Variants in SIRT2 observed in about 807,000 individuals in gnomAD.
SIRT2 encodes NAD-dependent protein deacetylase sirtuin-2.
In SIRT2, 40 loss-of-function variants were observed where a neutral mutation model predicts 57.4. That is an observed-to-expected ratio of 0.70 (90% CI 0.54 to 0.91). The LOEUF is 0.91. Among genes scored for constraint, SIRT2 ranks in the 40% least tolerant of loss-of-function variants. The pLI is 0.00. For synonymous variants in SIRT2, 161 were observed against 195.7 expected (o/e 0.82, Z 1.48); for missense variants, 439 against 510.4 (o/e 0.86, Z 1.35).
At chr19:38,887,620 C>T (rs1429608888) in intron 8 of SIRT2, among the ~76,000 whole-genome samples, 3 of 152,220 alleles carry the variant, frequency 2.0e-5, no homozygotes, top group African/African-American at 7.2e-5. Context: ...ACCTCGCCCA[C>T]CTGAGAAATC....
intron 2 of SIRT2, 128 bp from the exon 3 acceptor site, chr19:38,893,995 G>A: frequency 2.6e-6 from 4 of 1,532,864 alleles, no homozygotes; most frequent in Non-Finnish European, 3.5e-6. Flanking sequence ...GGGTGGTGGA[G>A]AGACTGCACT....
At chr19:38,881,248 G>T in intron 10 of SIRT2, 93 bp from the exon 11 acceptor site, 1 of 1,346,342 alleles carries the variant, frequency 7.4e-7, no homozygotes, top group Non-Finnish European at 1.0e-6. Context: ...GCCACAGTGG[G>T]AGTTGGGAGC....
chr19:38,891,949 G>C (rs1325410348), intron 4 of SIRT2: 2 of 469,520 alleles, frequency 4.3e-6, no homozygotes, highest in East Asian at 1.4e-4. Context: ...GGCTGCCTGA[G>C]GAGGGAGACA....
chr19:38,886,495 C>T (rs887896460), intron 8 of SIRT2, among the ~76,000 whole-genome samples: 5 of 150,508 alleles, frequency 3.3e-5, no homozygotes, highest in African/African-American at 1.2e-4. Flanking sequence ...CTCTACTGGT[C>T]CAGGCTGGAG....
Position 38,881,319 on chromosome 19 carries a change from CAG to C in SIRT2, c.691+111_691+112del, listed in dbSNP as rs1973147067. ...CCCAGGATGGATCTGGGGCACTGTTCAGAGAGACAGAGGTGGCCAGATGTGTG... is the reference window on the plus strand; with the variant it reads ...CCCAGGATGGATCTGGGGCACTGTTCAGAGACAGAGGTGGCCAGATGTGTG... On this transcript the variant is annotated intron_variant, in intron 10 of 15. Transcript: ENST00000249396. 5 of 1,201,450 alleles carry C rather than the reference CAG, an allele frequency of 4.2e-6. No individual in the cohort carries two copies. In the Admixed American group the frequency reaches 7.8e-5, roughly 19 times the overall value. 74.4% of individuals were successfully genotyped at this position (1,201,450 alleles called of 1,614,324 possible). A position where few individuals can be genotyped will look rare whatever the true frequency, so the allele number is the denominator to read the frequency against.
In SIRT2 at chr19:38,880,908, G is replaced by A. The variant is rs200078767; in HGVS notation, c.748-11C>T. 7 of 1,612,880 alleles carry A rather than the reference G, an allele frequency of 4.3e-6. No individual in the cohort carries two copies. The highest frequency in any genetic ancestry group is 5.9e-6 in the Non-Finnish European group (7 of 1,179,460). On this transcript the variant is annotated splice_polypyrimidine_tract_variant and intron_variant, in intron 11 of 15. Transcript: ENST00000249396. This position sits in a 1 kb window ranked among gnomAD's most constrained non-coding sequence, Gnocchi z 4.1. ...CACCTTCAGGAAGTCCTGCGGGGAG[G>A]GGCGTGAGCTTGGGAGCCTCCGCCC...
intron 8 of SIRT2, among the ~76,000 whole-genome samples, chr19:38,888,112 T>TAGTG (rs1332873803): frequency 6.6e-6 from 1 of 152,196 alleles, no homozygotes; most frequent in Non-Finnish European, 1.5e-5. Context: ...AATACTGTTG[T>TAGTG]AGTGCATCAT....
intron 4 of SIRT2, chr19:38,891,833 T>C: frequency 2.1e-6 from 1 of 468,378 alleles, no homozygotes; most frequent in Non-Finnish European, 4.4e-6. Context: ...GAACAAATGC[T>C]TTGTAGCCAC....
chr19:38,881,335 G>T, intron 10 of SIRT2, 97 bp downstream of exon 10: 1 of 1,241,668 alleles, frequency 8.1e-7, no homozygotes, highest in Non-Finnish European at 1.2e-6. Context: ...GACAGAGGTG[G>T]CCAGATGTGT....
intron 4 of SIRT2, among the ~76,000 whole-genome samples, chr19:38,891,343 G>A (rs926080482): frequency 6.6e-6 from 1 of 152,212 alleles, no homozygotes; most frequent in Admixed American, 6.5e-5. Context: ...GAGGTCAGGA[G>A]TTCAAGACCA....
intron 1 of SIRT2, 119 bp downstream of exon 1, chr19:38,899,387 C>T (rs1172103620): frequency 6.1e-6 from 7 of 1,150,132 alleles, no homozygotes; most frequent in Non-Finnish European, 8.8e-6. Flanking sequence ...CTCAGAATCC[C>T]ACTCCCCGAA....
At chr19:38,891,046 G>T (rs1973517493) in intron 4 of SIRT2, among the ~76,000 whole-genome samples, 1 of 152,240 alleles carries the variant, frequency 6.6e-6, no homozygotes, top group African/African-American at 2.4e-5. Context: ...TGGATTCAGG[G>T]GACCTGGGGT....
Position 38,880,334 on chromosome 19 carries a change from T to C in SIRT2, c.876+351A>G. 3.7e-6 allele frequency: 1 copy of C among 270,708 alleles called. No individual in the cohort carries two copies. 16.8% of individuals were successfully genotyped at this position (270,708 alleles called of 1,614,324 possible). On this transcript the variant is annotated intron_variant, in intron 13 of 15. Coordinates refer to ENST00000249396, the MANE Select transcript of SIRT2 (RefSeq NM_012237.4). This position sits in a 1 kb window ranked among gnomAD's most constrained non-coding sequence, Gnocchi z 4.1. ...AACACCTAGGAGGGAGCACCTGCCC[T>C]AGAGTGAGGCTGCCCAGGAAAAACA...
At chr19:38,889,588 A>G in intron 7 of SIRT2, 101 bp downstream of exon 7, 4 of 1,352,260 alleles carry the variant, frequency 3.0e-6, no homozygotes, top group Non-Finnish European at 4.2e-6. Context: ...CCATGTACTT[A>G]ATGGCTACAT....
chr19:38,893,579 T>C, intron 3 of SIRT2, 52 bp from the exon 4 acceptor site: 2 of 1,372,828 alleles, frequency 1.5e-6, no homozygotes, highest in Non-Finnish European at 2.1e-6. Flanking sequence ...GCCAGGGGCA[T>C]GGATGTCTCC....
intron 4 of SIRT2, chr19:38,891,915 A>T (rs1973551399): frequency 2.1e-6 from 1 of 469,626 alleles, no homozygotes; most frequent in African/African-American, 2.0e-5. Flanking sequence ...GCCGCAGGAG[A>T]GGGAGGCTCA....
intron 8 of SIRT2, among the ~76,000 whole-genome samples, chr19:38,885,370 G>A (rs1416875790): frequency 1.3e-5 from 2 of 151,878 alleles, no homozygotes; most frequent in African/African-American, 2.4e-5. Flanking sequence ...CTCCCAAAGC[G>A]TTGGGATTAC....
intron 13 of SIRT2, 136 bp from the exon 14 acceptor site, chr19:38,879,838 T>C (rs1973083433): frequency 1.5e-6 from 1 of 660,124 alleles, no homozygotes; most frequent in African/African-American, 1.8e-5. Context: ...TTTTTGGTTT[T>C]TTTTGAGACA....
Position 38,889,717 on chromosome 19 carries a change from G to A in SIRT2, c.404C>T (p.Ala135Val). ...KKHPEPFFAL[A>V]KELYPGQFKP... Reference sequence around the variant, plus strand: ...GAACTGCCCAGGATAGAGTTCCTTGGCGAGGGCGAAGAAGGGTTCCGGATG... The same window carrying A: ...GAACTGCCCAGGATAGAGTTCCTTGACGAGGGCGAAGAAGGGTTCCGGATG... The change falls in exon 7 of 16, where the codon GCC (alanine) becomes GTC (valine). Residue 135 changes from alanine to valine, a missense_variant. Ala to Val is a moderately conservative substitution (Grantham distance 64, BLOSUM62 0). Transcript: ENST00000249396. The A allele has an allele frequency of 6.2e-7, 1 of 1,614,140 alleles. No homozygotes were observed. Among genetic ancestry groups the A allele is most frequent in the Non-Finnish European group, 8.5e-7 (1 of 1,180,016 alleles).
Sources: gnomAD v4.1 joint callset for allele counts (sites outside exome capture counted in the v4.1 genomes callset) on GRCh38, gnomAD v4.1.1 for gene constraint, Gnocchi (gnomAD v3.1) non-coding constraint, MANE v1.5 for transcripts, NCBI Gene and HGNC (gene_info 2026-07-23, HGNC 2026-07-21) for gene names.